The following ATG10 variants were observed in gnomAD, a reference collection of about 807,000 sequenced individuals.
The protein encoded by ATG10 is ubiquitin-like-conjugating enzyme ATG10.
A neutral mutation model predicts 32.1 loss-of-function variants in ATG10; 30 were observed. That is an observed-to-expected ratio of 0.94 (90% CI 0.70 to 1.27). The LOEUF (loss-of-function observed/expected upper bound fraction) is 1.27. Among genes scored for constraint, ATG10 ranks in the 50% most tolerant of loss-of-function variants. The probability of loss-of-function intolerance (pLI) is 0.00; values close to 1 mark genes in which losing one functional copy is unlikely to be tolerated. For synonymous variants in ATG10, 87 were observed against 91.5 expected (o/e 0.95, Z 0.28); for missense variants, 233 against 262.3 (o/e 0.89, Z 0.77).
intron 5 of ATG10, chr5:82,242,870 A>C (rs774887564): frequency 2.2e-6 from 1 of 447,388 alleles, no homozygotes; most frequent in South Asian, 1.6e-5. Context: ...ATGCTGACAC[A>C]TAGGGAAAAA....
intron 1 of ATG10, among the ~76,000 whole-genome samples, chr5:81,986,734 T>C (rs1019623937): frequency 2.6e-5 from 4 of 152,072 alleles, no homozygotes; most frequent in African/African-American, 4.8e-5. Context: ...ACCAAAGATA[T>C]AGAAACGGGA....
At chr5:82,077,298 C>A (rs528001997) in intron 3 of ATG10, among the ~76,000 whole-genome samples, 1 of 152,076 alleles carries the variant, frequency 6.6e-6, no homozygotes, top group African/African-American at 2.4e-5. Flanking sequence ...CCATTGCACT[C>A]CAAGCCTTGG....
intron 2 of ATG10, among the ~76,000 whole-genome samples, chr5:82,026,798 C>T (rs1029978011): frequency 1.2e-4 from 18 of 152,072 alleles, no homozygotes; most frequent in Admixed American, 8.5e-4. Context: ...CGGTAGCTCA[C>T]GCCTGTAGTC....
In ATG10 at chr5:82,104,158, A is replaced by G. The variant is rs558223159; in HGVS notation, c.216+45556A>G. On this transcript the variant is annotated intron_variant, in intron 3 of 7. Coordinates refer to ENST00000282185, the MANE Select transcript of ATG10 (RefSeq NM_031482.5). ...AAAGTACTGGTATGAACATTCTTAT[A>G]TATCTTTTTTGGCGAACATCTGTAC... 3.2e-4 allele frequency among the ~76,000 whole-genome samples: 49 copies of G among 152,078 alleles called. 1 individual carries two copies. In the South Asian group the frequency reaches 9.1e-3, roughly 28 times the overall value.
chr5:82,144,903 G>T (rs149372714), intron 3 of ATG10, among the ~76,000 whole-genome samples: 1,818 of 152,068 alleles, frequency 0.012, 37 homozygotes, highest in African/African-American at 0.042. Context: ...CTCTTACTAT[G>T]ATTGTGGACT....
intron 3 of ATG10, among the ~76,000 whole-genome samples, chr5:82,123,603 T>C (rs1459639214): frequency 6.6e-6 from 1 of 151,990 alleles, no homozygotes; most frequent in Non-Finnish European, 1.5e-5. Flanking sequence ...GCTAGATATT[T>C]TGCTATATAA....
intron 3 of ATG10, among the ~76,000 whole-genome samples, chr5:82,084,980 A>C (rs926920177): frequency 7.2e-5 from 11 of 152,194 alleles, no homozygotes; most frequent in Non-Finnish European, 1.5e-4. Context: ...CACACAGAAC[A>C]ATATTAACCT....
intron 3 of ATG10, among the ~76,000 whole-genome samples, chr5:82,137,045 G>GT (rs1391194533): frequency 6.6e-6 from 1 of 151,972 alleles, no homozygotes; most frequent in Admixed American, 6.6e-5. Context: ...CTCATGCTGT[G>GT]TTTTTCAGCT....
At chr5:82,027,562 A>G (rs979823948) in intron 2 of ATG10, among the ~76,000 whole-genome samples, 6 of 152,232 alleles carry the variant, frequency 3.9e-5, no homozygotes, top group Admixed American at 6.5e-5. Context: ...CATTTTAATG[A>G]ATGCAGAAAG....
intron 5 of ATG10, among the ~76,000 whole-genome samples, chr5:82,242,287 A>C (rs1490452581): frequency 6.6e-6 from 1 of 152,178 alleles, no homozygotes; most frequent in Non-Finnish European, 1.5e-5. Context: ...TAAAGAGAGC[A>C]TTAATGTATG....
chr5:82,139,712 G>T (rs1445049662), intron 3 of ATG10, among the ~76,000 whole-genome samples: 26 of 139,600 alleles, frequency 1.9e-4, no homozygotes, highest in African/African-American at 6.9e-4. Context: ...GAGGGAGGTG[G>T]GGGGGGGTCA....
chr5:82,137,212 T>C (rs1227099626), intron 3 of ATG10, among the ~76,000 whole-genome samples: 1 of 152,304 alleles, frequency 6.6e-6, no homozygotes, highest in East Asian at 1.9e-4. Context: ...CCTTCTTCTG[T>C]AAATTCATCA....
chr5:82,130,294 A>G (rs1766468504), intron 3 of ATG10, among the ~76,000 whole-genome samples: 1 of 151,978 alleles, frequency 6.6e-6, no homozygotes, highest in Non-Finnish European at 1.5e-5. Flanking sequence ...TGGTGGTGGG[A>G]TCCACTGAGC....
chr5:81,993,032 G>T (rs1761505597), intron 2 of ATG10, among the ~76,000 whole-genome samples: 1 of 152,084 alleles, frequency 6.6e-6, no homozygotes, highest in Admixed American at 6.5e-5. Flanking sequence ...TGGTACACTT[G>T]TTACACCCAT....
chr5:82,192,676 G>A (rs1416892643), intron 5 of ATG10, among the ~76,000 whole-genome samples: 1 of 152,202 alleles, frequency 6.6e-6, no homozygotes, highest in Admixed American at 6.5e-5. Flanking sequence ...GCTTAGCATT[G>A]TGGGGCACAT....
intron 4 of ATG10, among the ~76,000 whole-genome samples, chr5:82,176,276 A>G (rs1236687339): frequency 6.6e-6 from 1 of 152,168 alleles, no homozygotes; most frequent in Non-Finnish European, 1.5e-5. Flanking sequence ...AGCGTGGACC[A>G]GCAGGAAGAG....
At chr5:82,144,468 G>A (rs955377973) in intron 3 of ATG10, among the ~76,000 whole-genome samples, 6 of 151,460 alleles carry the variant, frequency 4.0e-5, no homozygotes, top group Admixed American at 2.0e-4. Flanking sequence ...TTTCCTCTAA[G>A]CACTGATTTA....
chr5:82,240,298 A>C (rs1417079569), intron 5 of ATG10, among the ~76,000 whole-genome samples: 1 of 152,230 alleles, frequency 6.6e-6, no homozygotes, highest in Non-Finnish European at 1.5e-5. Context: ...TGGATAAAGA[A>C]TATGTGGTAT....
rs761937487 is a variant in ATG10, at chr5:82,058,587, A to T, written c.201A>T (p.Thr67=). The T allele has an allele frequency of 1.9e-6, 3 of 1,608,802 alleles. No individual in the cohort carries two copies. Among genetic ancestry groups the T allele is most frequent in the African/African-American group, 2.7e-5 (2 of 74,784 alleles). The change falls in exon 3 of 8, where the codon ACA becomes ACT. Residue 67 remains threonine, a synonymous_variant. Transcript: ENST00000282185. Reference sequence around the variant, plus strand: ...TAGGAGCATCTACCCATGGACAGACATGTCTTCCCATGGAGGTGAGTAGTT... The same window carrying T: ...TAGGAGCATCTACCCATGGACAGACTTGTCTTCCCATGGAGGTGAGTAGTT... ...SHLGASTHGQ[T]CLPMEEAFEL...
Sources: allele counts gnomAD v4.1 joint callset (sites outside exome capture counted in the v4.1 genomes callset), GRCh38; gene constraint gnomAD v4.1.1; transcripts MANE v1.5; gene names NCBI Gene and HGNC (gene_info 2026-07-23, HGNC 2026-07-21).